Variants in PLXDC2 observed in about 807,000 individuals in gnomAD.
PLXDC2 encodes plexin domain-containing protein 2.
PLXDC2 carries 40 observed loss-of-function variants against 68.9 expected under a neutral mutation model. That is an observed-to-expected ratio of 0.58 (90% CI 0.45 to 0.76). The LOEUF (loss-of-function observed/expected upper bound fraction) is 0.76, where lower values mean the gene tolerates loss of function less well. Among genes scored for constraint, PLXDC2 ranks in the 30% least tolerant of loss-of-function variants. PLXDC2 has a pLI of 0.00. For synonymous variants in PLXDC2, 243 were observed against 234.2 expected, an observed-to-expected ratio of 1.04 and a Z score of -0.34; for missense variants, 644 against 661.9, an observed-to-expected ratio of 0.97 and a Z score of 0.30.
chr10:20,037,827 G>A (rs1225945326), intron 2 of PLXDC2, among the ~76,000 whole-genome samples: 2 of 152,164 alleles, frequency 1.3e-5, no homozygotes, highest in African/African-American at 4.8e-5. Context: ...TGGGAAAATG[G>A]AAACTGTTTT....
At chr10:20,085,235 G>A (rs1321530445) in intron 4 of PLXDC2, among the ~76,000 whole-genome samples, 2 of 151,586 alleles carry the variant, frequency 1.3e-5, no homozygotes, top group Non-Finnish European at 2.9e-5. Context: ...TAGTTTCATA[G>A]ACTAAACTGC....
chr10:20,244,133 G>T (rs1413819294), intron 12 of PLXDC2, among the ~76,000 whole-genome samples: 1 of 151,934 alleles, frequency 6.6e-6, no homozygotes, highest in Non-Finnish European at 1.5e-5. Flanking sequence ...TGAAACTTTT[G>T]TACATCTTAA....
intron 1 of PLXDC2, among the ~76,000 whole-genome samples, chr10:19,875,064 A>G (rs11011653): frequency 0.35 from 53,789 of 151,986 alleles, 9,655 homozygotes; most frequent in East Asian, 0.39. Flanking sequence ...TAAGCCAATC[A>G]TATTTTTCTC....
At chr10:20,011,982 C>T (rs1015817021) in intron 2 of PLXDC2, among the ~76,000 whole-genome samples, 1 of 152,124 alleles carries the variant, frequency 6.6e-6, no homozygotes, top group African/African-American at 2.4e-5. Context: ...GTCTGATAAA[C>T]AGTGACGTTC....
intron 4 of PLXDC2, 117 bp downstream of exon 4, chr10:20,068,356 C>T (rs535366235): frequency 7.6e-6 from 7 of 923,356 alleles, no homozygotes; most frequent in African/African-American, 6.7e-5. Flanking sequence ...TGTGTTTTAT[C>T]ACAAAGTCAT....
chr10:20,257,997 C>CTTTCTTT (rs1835763468), intron 13 of PLXDC2, among the ~76,000 whole-genome samples: 3 of 84,326 alleles, frequency 3.6e-5, no homozygotes, highest in African/African-American at 1.3e-4. Flanking sequence ...TTTTTTCTTT[C>CTTTCTTT]TTTTTTTTTT....
At chr10:20,016,403 G>T (rs981672299) in intron 2 of PLXDC2, among the ~76,000 whole-genome samples, 1 of 152,226 alleles carries the variant, frequency 6.6e-6, no homozygotes, top group Admixed American at 6.5e-5. Context: ...GCTAACAAAA[G>T]TCTGACATTT....
intron 12 of PLXDC2, among the ~76,000 whole-genome samples, chr10:20,222,217 C>G (rs1835221819): frequency 6.6e-6 from 1 of 152,206 alleles, no homozygotes; most frequent in African/African-American, 2.4e-5. Context: ...TACTTTCTCT[C>G]TGAGTGTTTC....
At chr10:20,238,247 A>G (rs984714477) in intron 12 of PLXDC2, among the ~76,000 whole-genome samples, 2 of 149,254 alleles carry the variant, frequency 1.3e-5, no homozygotes, top group Non-Finnish European at 3.0e-5. Context: ...TATTTCTTTC[A>G]TCTTTCCTCC....
At chr10:20,119,729 G>C (rs1265433964) in intron 4 of PLXDC2, among the ~76,000 whole-genome samples, 2 of 152,070 alleles carry the variant, frequency 1.3e-5, no homozygotes, top group African/African-American at 4.8e-5. Context: ...CTTCGAGCGG[G>C]ATTAGGGGTG....
chr10:19,871,571 G>C (rs1837534130), intron 1 of PLXDC2, among the ~76,000 whole-genome samples: 2 of 152,090 alleles, frequency 1.3e-5, no homozygotes, highest in African/African-American at 4.8e-5. Context: ...TGGCTCCCAT[G>C]AGTCTTTTCC....
At chr10:19,848,470 A>G (rs1405357448) in intron 1 of PLXDC2, among the ~76,000 whole-genome samples, 2 of 152,214 alleles carry the variant, frequency 1.3e-5, no homozygotes, top group African/African-American at 4.8e-5. Flanking sequence ...GGAGGCATCC[A>G]GTGAGGGTTC....
chr10:20,130,832 G>A (rs1833857960), intron 4 of PLXDC2, among the ~76,000 whole-genome samples: 1 of 152,114 alleles, frequency 6.6e-6, no homozygotes, highest in Non-Finnish European at 1.5e-5. Flanking sequence ...TAAAACCCAT[G>A]TGATCATGGG....
chr10:20,010,509 C>T (rs1304416023), intron 2 of PLXDC2, among the ~76,000 whole-genome samples: 1 of 152,098 alleles, frequency 6.6e-6, no homozygotes, highest in African/African-American at 2.4e-5. Flanking sequence ...CATGTCAGCT[C>T]TTTATTGAAA....
chr10:19,907,121 G>A (rs1216851862), intron 1 of PLXDC2, among the ~76,000 whole-genome samples: 2 of 152,100 alleles, frequency 1.3e-5, no homozygotes, highest in Admixed American at 6.6e-5. Context: ...CCATGGAAAT[G>A]TGTTCATTAA....
rs1441932907 is a variant in PLXDC2, at chr10:20,046,354, TAGAAGGAAA to T, written c.325-514_325-506del. Among the ~76,000 whole-genome samples, 15 of 152,152 alleles carry T rather than the reference TAGAAGGAAA, an allele frequency of 9.9e-5. 1 individual carries two copies. In the South Asian group the frequency reaches 3.1e-3, roughly 32 times the overall value. On this transcript the variant is annotated intron_variant, in intron 2 of 13. Coordinates refer to ENST00000377252, the MANE Select transcript of PLXDC2 (RefSeq NM_032812.9). The stretch of plus-strand genomic sequence containing the variant: ...ACACACACACATAAAATTCAAAACT[TAGAAGGAAA>T]TATATATTGAAATTTTTAAATATGC...
At chr10:19,870,426 CT>C (rs11389567) in intron 1 of PLXDC2, among the ~76,000 whole-genome samples, 9 of 150,132 alleles carry the variant, frequency 6.0e-5, no homozygotes, top group East Asian at 2.0e-4. Flanking sequence ...ATTACTATTA[CT>C]TTTTTTTTTA....
chr10:19,994,244 T>C (rs1191958678), intron 1 of PLXDC2, among the ~76,000 whole-genome samples: 1 of 133,374 alleles, frequency 7.5e-6, no homozygotes, highest in African/African-American at 2.7e-5. Flanking sequence ...AGGTTCCCAT[T>C]GTATTCTCCT....
intron 9 of PLXDC2, among the ~76,000 whole-genome samples, chr10:20,199,581 A>T (rs140877590): frequency 6.6e-6 from 1 of 152,132 alleles, no homozygotes; most frequent in Non-Finnish European, 1.5e-5. Flanking sequence ...ATAGTTACTA[A>T]CAAAATTAGT....
Sources: allele counts gnomAD v4.1 joint callset (sites outside exome capture counted in the v4.1 genomes callset), GRCh38; gene constraint gnomAD v4.1.1; transcripts MANE v1.5; gene names NCBI Gene and HGNC (gene_info 2026-07-23, HGNC 2026-07-21).